ADGRA3: variants seen among roughly 807,000 people sequenced by gnomAD.
ADGRA3 encodes the protein G-protein coupled receptor 125.
Under a neutral mutation model 119.8 loss-of-function variants are expected in ADGRA3, and 56 were observed. That is an observed-to-expected ratio of 0.47 (90% CI 0.38 to 0.58). The LOEUF (loss-of-function observed/expected upper bound fraction) is 0.58, where lower values mean the gene tolerates loss of function less well. ADGRA3 is among the 20% of genes least tolerant of loss of function. The pLI is 0.00. For synonymous variants in ADGRA3, 607 were observed against 623.8 expected, an observed-to-expected ratio of 0.97 and a Z score of 0.40; for missense variants, 1,516 against 1,649.0, an observed-to-expected ratio of 0.92 and a Z score of 1.40.
At chr4:22,402,362 A>G (rs780459423) in intron 15 of ADGRA3, among the ~76,000 whole-genome samples, 37 of 152,052 alleles carry the variant, frequency 2.4e-4, no homozygotes, top group Admixed American at 2.0e-4. Flanking sequence ...CAGGTAAGAA[A>G]CTTCCGCCTC....
chr4:22,508,117 T>C (rs1719310281), intron 1 of ADGRA3, among the ~76,000 whole-genome samples: 1 of 152,218 alleles, frequency 6.6e-6, no homozygotes, highest in Non-Finnish European at 1.5e-5. Context: ...GTCAGAGTCC[T>C]TGCTTTCAAG....
At chr4:22,456,609 G>A (rs989522821) in intron 3 of ADGRA3, among the ~76,000 whole-genome samples, 2 of 152,150 alleles carry the variant, frequency 1.3e-5, no homozygotes, top group Non-Finnish European at 2.9e-5. Flanking sequence ...CCAGTTCTAA[G>A]GCTTCCAGAC....
At chr4:22,453,850 CT>C (rs987498340) in intron 4 of ADGRA3, among the ~76,000 whole-genome samples, 7 of 149,690 alleles carry the variant, frequency 4.7e-5, no homozygotes, top group African/African-American at 7.3e-5. Context: ...TTCTTTATTA[CT>C]TTTTTTTTTA....
At position 22,483,672 on chromosome 4, in the gene ADGRA3, T is replaced by C. The variant is rs1159663776; in HGVS notation, c.258-9829A>G. ...GTTAAGCATTTATCAGTGGTTGTCA[T>C]TGTTGGCACACACACAAACTGTGGT... On this transcript the variant is annotated intron_variant, in intron 1 of 18. Coordinates refer to ENST00000334304, the MANE Select transcript of ADGRA3 (RefSeq NM_145290.4). Among the ~76,000 whole-genome samples the C allele has an allele frequency of 5.3e-5, 8 of 152,350 alleles. No individual in the cohort carries two copies. The East Asian group carries it at 1.4e-3, about 26-fold the overall frequency.
chr4:22,459,680 AAACTT>A (rs373075626), intron 3 of ADGRA3, among the ~76,000 whole-genome samples: 151 of 152,232 alleles, frequency 9.9e-4, no homozygotes, highest in African/African-American at 3.5e-3. Flanking sequence ...AAAAAAAAGA[AAACTT>A]AAAGAAGTAT....
intron 10 of ADGRA3, among the ~76,000 whole-genome samples, chr4:22,433,346 T>A (rs1716261076): frequency 6.6e-6 from 1 of 152,204 alleles, no homozygotes; most frequent in Admixed American, 6.5e-5. Flanking sequence ...AATGTTATAT[T>A]TCATAACCTA....
In ADGRA3 at chr4:22,468,420, T is replaced by C. The variant is rs73802817; in HGVS notation, c.329+5352A>G. 6.7e-3 allele frequency among the ~76,000 whole-genome samples: 1,016 copies of C among 152,222 alleles called. 13 individuals carry two copies. Among genetic ancestry groups the C allele is most frequent in the African/African-American group, 0.022 (897 of 41,522 alleles). On this transcript the variant is annotated intron_variant, in intron 2 of 18. Coordinates refer to ENST00000334304, the MANE Select transcript of ADGRA3 (RefSeq NM_145290.4). ...AATATGGGGGAGGTATGTCACTAAA[T>C]ACTGGTAACAAAATATATAGCACAA... is the stretch of plus-strand genomic sequence containing the variant.
intron 16 of ADGRA3, among the ~76,000 whole-genome samples, chr4:22,395,023 A>C (rs1714292486): frequency 6.6e-6 from 1 of 152,218 alleles, no homozygotes; most frequent in East Asian, 1.9e-4. Flanking sequence ...CATGAAATAC[A>C]ACCTTGCTAT....
chr4:22,413,075 T>TAAAAAAAAAA (rs74406494), intron 14 of ADGRA3, 107 bp downstream of exon 14: 407 of 727,050 alleles, frequency 5.6e-4, no homozygotes, highest in South Asian at 1.6e-3. Flanking sequence ...ATGTTAAAAG[T>TAAAAAAAAAA]AAAAAAAAAA....
At chr4:22,445,164 T>C (rs773791630) in intron 5 of ADGRA3, 31 bp from the exon 6 acceptor site, 9 of 1,602,282 alleles carry the variant, frequency 5.6e-6, no homozygotes, top group African/African-American at 4.0e-5. Flanking sequence ...TTAGAGATTA[T>C]AGTGAATAAA....
chr4:22,471,942 G>C (rs1717870474), intron 2 of ADGRA3, among the ~76,000 whole-genome samples: 1 of 151,960 alleles, frequency 6.6e-6, no homozygotes, highest in Non-Finnish European at 1.5e-5. Flanking sequence ...CAAAGACAAG[G>C]GAAATTAAGA....
chr4:22,497,060 C>A (rs1050468371), intron 1 of ADGRA3, among the ~76,000 whole-genome samples: 1 of 152,068 alleles, frequency 6.6e-6, no homozygotes, highest in Admixed American at 6.5e-5. Context: ...ACTTTTGGGG[C>A]GAATCATAAC....
intron 3 of ADGRA3, among the ~76,000 whole-genome samples, chr4:22,457,967 C>G (rs1249567442): frequency 6.6e-6 from 1 of 152,108 alleles, no homozygotes; most frequent in African/African-American, 2.4e-5. Flanking sequence ...TACCTAAAAG[C>G]TGTGACTACA....
Position 22,515,207 on chromosome 4 carries a change from T to C in ADGRA3, c.257+321A>G, listed in dbSNP as rs541838771. 4.4e-5 allele frequency: 9 copies of C among 204,870 alleles called. No homozygotes were observed. In the Admixed American group the frequency reaches 4.7e-4, roughly 11 times the overall value. 12.7% of individuals were successfully genotyped at this position (204,870 alleles called of 1,614,324 possible). On this transcript the variant is annotated intron_variant, in intron 1 of 18. Coordinates refer to ENST00000334304, the MANE Select transcript of ADGRA3 (RefSeq NM_145290.4). ...CCAGGATGAATGAGCTTTAACTCTGTTGACTGCGTGTTTACTTGCATCCTC... is the reference window on the plus strand; with the variant it reads ...CCAGGATGAATGAGCTTTAACTCTGCTGACTGCGTGTTTACTTGCATCCTC...
intron 2 of ADGRA3, among the ~76,000 whole-genome samples, chr4:22,469,716 T>C (rs1006354741): frequency 6.6e-6 from 1 of 152,184 alleles, no homozygotes; most frequent in Non-Finnish European, 1.5e-5. Context: ...TTGATAACCA[T>C]GGTCTAGTCT....
At position 22,435,382 on chromosome 4, in the gene ADGRA3, T is replaced by C; in HGVS notation, c.1372A>G (p.Met458Val). Residue 458 changes from methionine to valine, a missense_variant, in exon 10 of 19, where the codon ATG (methionine) becomes GTG (valine). Met to Val is a conservative substitution (Grantham distance 21). Around this residue, in one of 2 missense-constraint regions of ADGRA3, gnomAD observed 1,088 missense variants for 1,107.1 expected, o/e 0.98. Coordinates refer to ENST00000334304, the MANE Select transcript of ADGRA3 (RefSeq NM_145290.4). ...TVEAANFSDK[M>V]DVIFVAEMIE... ...ATTTCTGCCACAAATATAACATCCA[T>C]TTTGTCAGAAAAGTTGGCTGCTTCC... The C allele has an allele frequency of 3.1e-6, 5 of 1,613,642 alleles. No homozygotes were observed. Among genetic ancestry groups the C allele is most frequent in the Non-Finnish European group, 4.2e-6 (5 of 1,179,664 alleles).
chr4:22,450,947 A>AT (rs1372386036), intron 4 of ADGRA3, among the ~76,000 whole-genome samples: 319 of 134,244 alleles, frequency 2.4e-3, no homozygotes, highest in Admixed American at 5.3e-3. Flanking sequence ...AAAAAAAAAA[A>AT]AAAAATATAT....
At chr4:22,413,477 C>G (rs1715300361) in intron 13 of ADGRA3, 87 bp from the exon 14 acceptor site, 2 of 1,377,856 alleles carry the variant, frequency 1.5e-6, no homozygotes, top group Admixed American at 3.5e-5. Context: ...GGGTACTCTG[C>G]AAGATCTTTC....
intron 16 of ADGRA3, among the ~76,000 whole-genome samples, chr4:22,397,508 T>C (rs1438203635): frequency 3.9e-5 from 6 of 152,110 alleles, no homozygotes; most frequent in Admixed American, 2.0e-4. Context: ...AGTTCAGAGA[T>C]AGTTAAACAG....
Sources: gnomAD v4.1 joint callset for allele counts (sites outside exome capture counted in the v4.1 genomes callset) on GRCh38, gnomAD v4.1.1 for gene constraint, gnomAD v4.1.1 regional missense constraint, MANE v1.5 for transcripts, NCBI Gene and HGNC (gene_info 2026-07-23, HGNC 2026-07-21) for gene names.